ABCB7: variants seen among roughly 807,000 people sequenced by gnomAD.
ABCB7 encodes the protein ATP binding cassette subfamily B member 7.
In ABCB7, 7 loss-of-function variants were observed where a neutral mutation model predicts 54.4. That is an observed-to-expected ratio of 0.13 (90% CI 0.07 to 0.24). The LOEUF (loss-of-function observed/expected upper bound fraction) is 0.24. Among genes scored for constraint, ABCB7 ranks in the 10% least tolerant of loss-of-function variants. ABCB7 has a pLI of 1.00. For missense variants in ABCB7, 356 were observed against 570.4 expected (o/e 0.62, Z 3.83); for synonymous variants, 218 against 207.1 (o/e 1.05, Z -0.45).
intron 1 of ABCB7, among the ~76,000 whole-genome samples, chrX:75,131,815 C>T (rs979214413): frequency 8.9e-6 from 1 of 111,950 alleles, no homozygotes. Flanking sequence ...AGCACAACCA[C>T]CCTGACACCA....
Position 75,097,989 on chromosome X carries a change from C to T in ABCB7, c.453+953G>A, listed in dbSNP as rs768506742. Reference sequence around the variant, plus strand: ...CATGACAATATAGTATACCTACAAACGTGTACTTCCCTGACTTTAAAATCT... The same window carrying T: ...CATGACAATATAGTATACCTACAAATGTGTACTTCCCTGACTTTAAAATCT... On this transcript the variant is annotated intron_variant, in intron 4 of 15. Transcript: ENST00000373394. Among the ~76,000 whole-genome samples, 18 of 111,561 alleles carry T rather than the reference C, an allele frequency of 1.6e-4. 1 individual carries two copies. The highest frequency in any genetic ancestry group is 1.2e-3 in the Admixed American group (13 of 10,512).
chrX:75,096,151 TA>T (rs1602366442), intron 4 of ABCB7, among the ~76,000 whole-genome samples: 1 of 112,354 alleles, frequency 8.9e-6, no homozygotes, highest in Non-Finnish European at 1.9e-5. Flanking sequence ...AATTTGTATG[TA>T]AAAGACAATT....
At chrX:75,070,207 A>G (rs909566251) in intron 10 of ABCB7, among the ~76,000 whole-genome samples, 158 bp downstream of exon 10, 2 of 111,228 alleles carry the variant, frequency 1.8e-5, no homozygotes, top group Non-Finnish European at 1.9e-5. Context: ...AGCTCTAACA[A>G]CCTCTTAATA....
chrX:75,150,834 C>G (rs2082125994), intron 1 of ABCB7, among the ~76,000 whole-genome samples: 1 of 111,498 alleles, frequency 9.0e-6, no homozygotes, highest in African/African-American at 3.3e-5. Context: ...AATTGTATAA[C>G]AATAATTAAA....
At chrX:75,138,347 C>A (rs1474984652) in intron 1 of ABCB7, among the ~76,000 whole-genome samples, 1 of 111,614 alleles carries the variant, frequency 9.0e-6, no homozygotes, top group Non-Finnish European at 1.9e-5. Flanking sequence ...TATACATATA[C>A]GTATGTACAC....
At chrX:75,126,341 G>A (rs2081927385) in intron 1 of ABCB7, among the ~76,000 whole-genome samples, 1 of 111,870 alleles carries the variant, frequency 8.9e-6, no homozygotes, top group African/African-American at 3.2e-5. Context: ...AAATAAGTAA[G>A]TTCTTTGAAA....
intron 1 of ABCB7, among the ~76,000 whole-genome samples, chrX:75,143,555 C>T (rs2082070044): frequency 9.0e-6 from 1 of 111,436 alleles, no homozygotes. Flanking sequence ...CCCCACTCTA[C>T]CAGTACCAAT....
intron 1 of ABCB7, among the ~76,000 whole-genome samples, chrX:75,143,006 A>G (rs2082065333): frequency 1.8e-5 from 2 of 112,510 alleles, no homozygotes; most frequent in African/African-American, 6.5e-5. Flanking sequence ...GTTTTTACAT[A>G]TATGACCATA....
rs187170470 is a variant in ABCB7, at chrX:75,135,514, C to G, written c.168+20591G>C. ...CTGATACCAAAACCTGGCAGAGATA[C>G]AACAACAACAAAAAAGAAAACTTCA... On this transcript the variant is annotated intron_variant, in intron 1 of 15. Coordinates refer to ENST00000373394, the MANE Select transcript of ABCB7 (RefSeq NM_001271696.3). Among the ~76,000 whole-genome samples the G allele has an allele frequency of 2.7e-5, 3 of 111,014 alleles. No individual in the cohort carries two copies. In the Admixed American group the frequency reaches 2.9e-4, roughly 11 times the overall value.
intron 5 of ABCB7, 64 bp from the exon 6 acceptor site, chrX:75,075,694 T>C (rs1451526729): frequency 2.0e-5 from 21 of 1,043,768 alleles, no homozygotes; most frequent in Non-Finnish European, 2.1e-5. Flanking sequence ...AGTATAGAAA[T>C]GACAAGGGCT....
chrX:75,142,093 G>C (rs2082058284), intron 1 of ABCB7, among the ~76,000 whole-genome samples: 1 of 111,527 alleles, frequency 9.0e-6, no homozygotes, highest in South Asian at 3.8e-4. Flanking sequence ...AACAAATGTA[G>C]AAGGAATGAG....
chrX:75,071,730 A>G (rs1228002235), intron 8 of ABCB7, 47 bp from the exon 9 acceptor site: 4 of 917,512 alleles, frequency 4.4e-6, no homozygotes, highest in Non-Finnish European at 6.1e-6. Context: ...ATTAGAATTT[A>G]TTCTCTTAAG....
chrX:75,141,615 C>T (rs575905262), intron 1 of ABCB7, among the ~76,000 whole-genome samples: 2 of 111,770 alleles, frequency 1.8e-5, no homozygotes, highest in African/African-American at 6.5e-5. Flanking sequence ...ACTTTGAGCA[C>T]TACAAATAAC....
intron 9 of ABCB7, 66 bp from the exon 10 acceptor site, chrX:75,070,588 G>A: frequency 9.5e-7 from 1 of 1,053,397 alleles, no homozygotes; most frequent in Non-Finnish European, 1.3e-6. Flanking sequence ...ATTTACGATA[G>A]GTTTATAGTC....
intron 4 of ABCB7, among the ~76,000 whole-genome samples, chrX:75,078,377 T>C (rs1175220091): frequency 8.9e-6 from 1 of 111,925 alleles, no homozygotes; most frequent in Non-Finnish European, 1.9e-5. Flanking sequence ...ATATTTCTGA[T>C]TCATTTTGTA....
rs1476051733 is a variant in ABCB7, at chrX:75,071,666, T to C, written c.1050A>G (p.Arg350=). The C allele has an allele frequency of 8.5e-7, 1 of 1,174,882 alleles. No individual in the cohort carries two copies. Among genetic ancestry groups the C allele is most frequent in the South Asian group, 1.8e-5 (1 of 54,617 alleles). Residue 350 remains arginine (R), a synonymous_variant, in exon 9 of 16, where the codon AGA becomes AGG. Transcript: ENST00000373394. ...YETVKYFNNE[R]YEAQRYDGFL... ...ATCCATCATATCTCTGTGCTTCATATCTTTCATTATTAAAATACTACAAAA... is the reference window on the plus strand; with the variant it reads ...ATCCATCATATCTCTGTGCTTCATACCTTTCATTATTAAAATACTACAAAA...
At chrX:75,129,873 G>A (rs1463881709) in intron 1 of ABCB7, among the ~76,000 whole-genome samples, 3 of 111,078 alleles carry the variant, frequency 2.7e-5, no homozygotes, top group Admixed American at 1.9e-4. Flanking sequence ...ACCACTCACT[G>A]AGCACTTATT....
intron 1 of ABCB7, among the ~76,000 whole-genome samples, chrX:75,145,224 T>C (rs2082083036): frequency 9.0e-6 from 1 of 111,157 alleles, no homozygotes; most frequent in Admixed American, 9.6e-5. Flanking sequence ...CCTCCCTAAC[T>C]CATTCTGAGA....
At chrX:75,128,037 A>G (rs991155347) in intron 1 of ABCB7, among the ~76,000 whole-genome samples, 1 of 112,111 alleles carries the variant, frequency 8.9e-6, no homozygotes, top group African/African-American at 3.2e-5. Context: ...AGTAATTGAT[A>G]GATTCAATGC....
Sources: allele counts gnomAD v4.1 joint callset (sites outside exome capture counted in the v4.1 genomes callset), GRCh38; gene constraint gnomAD v4.1.1; transcripts MANE v1.5; gene names NCBI Gene and HGNC (gene_info 2026-07-23, HGNC 2026-07-21).